Variants in DNAJC16 observed in about 807,000 individuals in gnomAD.
The protein encoded by DNAJC16 is DnaJ heat shock protein family (Hsp40) member C16, also known as dnaJ homolog subfamily C member 16.
In DNAJC16, 76 loss-of-function variants were observed where a neutral mutation model predicts 92.7. That is an observed-to-expected ratio of 0.82 (90% CI 0.68 to 0.99). The LOEUF (loss-of-function observed/expected upper bound fraction) is 0.99, where lower values mean the gene tolerates loss of function less well. DNAJC16 is among the 50% of genes least tolerant of loss of function. The pLI, the probability that DNAJC16 is intolerant of heterozygous loss-of-function variation, is 0.00. For missense variants in DNAJC16, 869 were observed against 942.4 expected (o/e 0.92, Z 1.02); for synonymous variants, 328 against 358.7 (o/e 0.91, Z 0.97).
At chr1:15,566,416 T>C (rs1413826175) in intron 13 of DNAJC16, 3 of 519,644 alleles carry the variant, frequency 5.8e-6, no homozygotes, top group Non-Finnish European at 1.0e-5. Context: ...ATCAGGCAAG[T>C]GTTAGGTGAG....
At chr1:15,559,089 G>A (rs771461493) in intron 7 of DNAJC16, among the ~76,000 whole-genome samples, 6 of 151,990 alleles carry the variant, frequency 3.9e-5, no homozygotes, top group South Asian at 2.1e-4. Flanking sequence ...ACAGACACAC[G>A]TCACCATGCC....
chr1:15,568,131 G>T lies in DNAJC16; in HGVS notation c.2303G>T (p.Gly768Val). ...LSLWMERLLE[G>V]SLQRFYIPSW... ...TTATGGATGGAACGCCTGCTGGAGG[G>T]CTCCTTACAGAGGTTTTATATCCCA... The change falls in exon 15 of 15, where the codon GGC becomes GTC. Residue 768 changes from glycine to valine, a missense_variant. Transcript: ENST00000375847. The T allele has an allele frequency of 6.2e-7, 1 of 1,613,956 alleles. No individual in the cohort carries two copies. The highest frequency in any genetic ancestry group is 8.5e-7 in the Non-Finnish European group (1 of 1,179,942).
intron 7 of DNAJC16, among the ~76,000 whole-genome samples, chr1:15,549,641 C>T (rs1485725323): frequency 2.0e-5 from 3 of 151,664 alleles, no homozygotes; most frequent in Admixed American, 6.6e-5. Context: ...GGTGAAACCC[C>T]GTCTCTACTA....
In DNAJC16 at chr1:15,567,126, G is replaced by A; in HGVS notation, c.1806G>A (p.Glu602=). ...SSKIPKKGFV[E]VTELTDVTYT... is the part of the protein sequence containing the mutation. ...AGATTCCTAAAAAAGGCTTTGTGGA[G>A]GTAACTGAACTCACAGATGTAACAT... The change falls in exon 14 of 15, where the codon GAG becomes GAA. Residue 602 remains glutamate, a synonymous_variant. Coordinates refer to ENST00000375847, the MANE Select transcript of DNAJC16 (RefSeq NM_015291.4). The A allele has an allele frequency of 2.5e-6, 4 of 1,611,228 alleles. No homozygotes were observed. Among genetic ancestry groups the A allele is most frequent in the Non-Finnish European group, 3.4e-6 (4 of 1,177,542 alleles).
intron 5 of DNAJC16, among the ~76,000 whole-genome samples, chr1:15,545,504 G>A (rs1393453521): frequency 6.6e-6 from 1 of 152,188 alleles, no homozygotes; most frequent in Non-Finnish European, 1.5e-5. Context: ...CCAAGCGGGT[G>A]GTTATTTCCA....
At chr1:15,546,917 T>A (rs1570912746) in intron 6 of DNAJC16, 46 bp downstream of exon 6, 35 of 307,248 alleles carry the variant, frequency 1.1e-4, no homozygotes, top group Middle Eastern at 5.8e-4. Context: ...TTTCTTTTCT[T>A]TTTTTTTTTT....
At chr1:15,532,904 G>T (rs1710691630) in intron 2 of DNAJC16, among the ~76,000 whole-genome samples, 1 of 151,998 alleles carries the variant, frequency 6.6e-6, no homozygotes, top group Non-Finnish European at 1.5e-5. Context: ...CAGAATATGT[G>T]GTATAATTCA....
chr1:15,562,101 A>T (rs1638703964), intron 8 of DNAJC16, 41 bp from the exon 9 acceptor site: 1 of 1,587,478 alleles, frequency 6.3e-7, no homozygotes, highest in Non-Finnish European at 8.6e-7. Flanking sequence ...TGGCCCTGCC[A>T]TCAGGGATTG....
Position 15,559,643 on chromosome 1 carries a change from C to T in DNAJC16, c.1141C>T (p.His381Tyr), listed in dbSNP as rs201645810. 5.0e-6 allele frequency: 8 copies of T among 1,613,934 alleles called. No individual in the cohort carries two copies. Among genetic ancestry groups the T allele is most frequent in the African/African-American group, 1.3e-5 (1 of 74,908 alleles). The change falls in exon 8 of 15, where the codon CAT (histidine) becomes TAT (tyrosine). Residue 381 changes from histidine to tyrosine, a missense_variant. His to Tyr is a moderately conservative substitution (Grantham distance 83, BLOSUM62 2). Coordinates refer to ENST00000375847, the MANE Select transcript of DNAJC16 (RefSeq NM_015291.4). ...FHELCPVKRS[H>Y]RQRKYCVVLL... ...TGAACTCTGCCCTGTGAAACGGTCG[C>T]ATCGACAGAGGAAGTAAGGACTTAA...
chr1:15,529,162 C>G lies in DNAJC16; in HGVS notation c.57C>G (p.Ile19Met), dbSNP rs778079802. The change falls in exon 2 of 15, where the codon ATC becomes ATG. Residue 19 changes from isoleucine to methionine, a missense_variant. Ile to Met is a conservative substitution (Grantham distance 10). Transcript: ENST00000375847. Reference sequence around the variant, plus strand: ...AGTTCTTGATAGTTCTGGTTCTGATCCTGCAAATTCTGTCTGCGTTGGATT... The same window carrying G: ...AGTTCTTGATAGTTCTGGTTCTGATGCTGCAAATTCTGTCTGCGTTGGATT... ...SWQFLIVLVL[I>M]LQILSALDFD... 1.2e-6 allele frequency: 2 copies of G among 1,614,076 alleles called. No individual in the cohort carries two copies. Among genetic ancestry groups the G allele is most frequent in the East Asian group, 2.2e-5 (1 of 44,882 alleles).
At chr1:15,563,396 A>C (rs1233414610) in intron 9 of DNAJC16, among the ~76,000 whole-genome samples, 1 of 151,906 alleles carries the variant, frequency 6.6e-6, no homozygotes, top group Non-Finnish European at 1.5e-5. Context: ...GGTGTGGTGC[A>C]CACCTGTCTG....
Position 15,566,154 on chromosome 1 carries a change from G to A in DNAJC16, c.1752G>A (p.Glu584=), listed in dbSNP as rs761335376. ...EEAQEKTGKT[E]PSFTKENSSK... is the part of the protein sequence containing the mutation. ...CCCAAGAGAAGACTGGGAAAACTGA[G>A]CCAAGCTTCACCAAAGAAAACAGCA... Residue 584 remains glutamate (E), a synonymous_variant, in exon 13 of 15, where the codon GAG becomes GAA. Transcript: ENST00000375847. The A allele has an allele frequency of 8.1e-6, 13 of 1,613,870 alleles. No homozygotes were observed. The South Asian group carries it at 1.4e-4, about 18-fold the overall frequency.
At chr1:15,546,391 A>ATAGATAGATAGATAGG (rs1392204677) in intron 5 of DNAJC16, among the ~76,000 whole-genome samples, 2 of 151,780 alleles carry the variant, frequency 1.3e-5, no homozygotes, top group Non-Finnish European at 2.9e-5. Context: ...TAGATAGATG[A>ATAGATAGATAGATAGG]TAGATAGATA....
intron 2 of DNAJC16, among the ~76,000 whole-genome samples, chr1:15,530,665 A>G (rs1168637281): frequency 6.6e-6 from 1 of 152,184 alleles, no homozygotes; most frequent in African/African-American, 2.4e-5. Flanking sequence ...AAACCTTATA[A>G]TGAGCCTATG....
chr1:15,559,435 A>G (rs2103423678), intron 7 of DNAJC16, 91 bp from the exon 8 acceptor site: 2 of 1,550,558 alleles, frequency 1.3e-6, no homozygotes, highest in Non-Finnish European at 1.8e-6. Context: ...AAGGTCAGCT[A>G]CGTTTTTATT....
chr1:15,564,780 C>T (rs185444985), intron 11 of DNAJC16, among the ~76,000 whole-genome samples: 5 of 151,750 alleles, frequency 3.3e-5, no homozygotes, highest in African/African-American at 1.2e-4. Context: ...CCACCCGCCT[C>T]GGCCTCCCAA....
intron 7 of DNAJC16, among the ~76,000 whole-genome samples, chr1:15,549,677 G>A (rs568563949): frequency 1.6e-4 from 25 of 152,176 alleles, no homozygotes; most frequent in Admixed American, 1.5e-3. Flanking sequence ...AGCCGGGCGT[G>A]GTGGTGGGCC....
chr1:15,543,025 ATGAAT>A (rs1264177817), intron 4 of DNAJC16, among the ~76,000 whole-genome samples: 1 of 152,222 alleles, frequency 6.6e-6, no homozygotes, highest in Non-Finnish European at 1.5e-5. Context: ...GCAACAATAA[ATGAAT>A]TAAATAGATT....
chr1:15,529,986 A>C (rs1710616634), intron 2 of DNAJC16, among the ~76,000 whole-genome samples: 1 of 152,360 alleles, frequency 6.6e-6, no homozygotes, highest in Non-Finnish European at 1.5e-5. Context: ...ACAAGAAAAA[A>C]GTCTGTACAT....
Sources: gnomAD v4.1 joint callset for allele counts (sites outside exome capture counted in the v4.1 genomes callset) on GRCh38, gnomAD v4.1.1 for gene constraint, MANE v1.5 for transcripts, NCBI Gene and HGNC (gene_info 2026-07-23, HGNC 2026-07-21) for gene names.